Variants in ISY1 observed in about 807,000 individuals in gnomAD.
The protein encoded by ISY1 is ISY1 spliceosome associated protein.
ISY1 carries 12 observed loss-of-function variants against 54.4 expected under a neutral mutation model. The ratio of observed to expected loss-of-function variants is 0.22; its 90% CI spans 0.14 to 0.36. ISY1 has a LOEUF of 0.36. ISY1 is among the 10% of genes least tolerant of loss of function. ISY1 has a pLI of 1.00. For missense variants in ISY1, 282 were observed against 342.2 expected (o/e 0.82, Z 1.39); for synonymous variants, 96 against 117.9 (o/e 0.81, Z 1.20).
rs924871332 is a variant in ISY1, at chr3:129,161,026, C to T, written c.-51G>A. The T allele has an allele frequency of 1.0e-5, 16 of 1,541,920 alleles. No individual in the cohort carries two copies. The African/African-American group carries it at 2.2e-4, about 21-fold the overall frequency. On this transcript the variant is annotated 5_prime_UTR_variant, in exon 1 of 11. Transcript: ENST00000393295. ...AGCCCCGCGGCCCCTGTCCAAGAAACTCCACAGGCCCAGAAGACGCCGACG... is the reference window on the plus strand; with the variant it reads ...AGCCCCGCGGCCCCTGTCCAAGAAATTCCACAGGCCCAGAAGACGCCGACG...
At chr3:129,160,169 T>C (rs954390240) in intron 1 of ISY1, among the ~76,000 whole-genome samples, 2 of 152,100 alleles carry the variant, frequency 1.3e-5, no homozygotes, top group African/African-American at 4.8e-5. Flanking sequence ...GCTACTTCTA[T>C]TCCACTGGTT....
intron 2 of ISY1, 24 bp from the exon 3 acceptor site, chr3:129,158,583 A>G (rs375654041): frequency 5.1e-5 from 83 of 1,613,704 alleles, no homozygotes; most frequent in Admixed American, 3.3e-4. Flanking sequence ...AAAAGATAAA[A>G]GACTCCATTA....
chr3:129,143,333 C>A (rs1936677405), intron 6 of ISY1, among the ~76,000 whole-genome samples: 2 of 151,722 alleles, frequency 1.3e-5, no homozygotes, highest in African/African-American at 4.8e-5. Flanking sequence ...ATGGTCAAAC[C>A]CCAACTCTAC....
intron 6 of ISY1, among the ~76,000 whole-genome samples, chr3:129,140,717 C>T (rs370506706): frequency 1.3e-5 from 2 of 151,876 alleles, no homozygotes; most frequent in South Asian, 2.1e-4. Flanking sequence ...ATTACAGGTG[C>T]GTGCCACCAC....
intron 6 of ISY1, chr3:129,144,065 T>C: frequency 3.2e-6 from 1 of 308,360 alleles, no homozygotes; most frequent in South Asian, 2.8e-5. Flanking sequence ...AATTTTTTCA[T>C]ACCTGAGACC....
intron 6 of ISY1, 107 bp from the exon 7 acceptor site, chr3:129,140,592 T>C (rs1411279259): frequency 5.6e-6 from 7 of 1,244,388 alleles, no homozygotes; most frequent in African/African-American, 1.5e-5. Flanking sequence ...ATTTATTTAT[T>C]TGAGGTGGAG....
chr3:129,160,870 A>G, intron 1 of ISY1, 103 bp downstream of exon 1: 1 of 1,394,534 alleles, frequency 7.2e-7, no homozygotes, highest in Non-Finnish European at 9.9e-7. Context: ...AGCCCTCAGC[A>G]CTGCACGTCT....
In ISY1 at chr3:129,129,867, A is replaced by C. The variant is rs769996540; in HGVS notation, c.*214T>G. The stretch of plus-strand genomic sequence containing the variant: ...CTGTTGTATACACTCCACAATAAAA[A>C]TAAATGGATCCACACAGTAGCAAAA... On this transcript the variant is annotated 3_prime_UTR_variant, in exon 11 of 11. Coordinates refer to ENST00000393295, the MANE Select transcript of ISY1 (RefSeq NM_020701.4). 15 of 413,184 alleles carry C rather than the reference A, an allele frequency of 3.6e-5. No homozygotes were observed. The highest frequency in any genetic ancestry group is 8.2e-5 in the Admixed American group (2 of 24,312). The allele number at this position is 413,184 out of a possible 1,614,324, so 25.6% of individuals were successfully genotyped here. A position where few individuals can be genotyped will look rare whatever the true frequency, so the allele number is the denominator to read the frequency against.
chr3:129,154,942 C>G (rs1041332411), intron 5 of ISY1, among the ~76,000 whole-genome samples: 19 of 152,162 alleles, frequency 1.2e-4, no homozygotes, highest in Admixed American at 1.2e-3. Context: ...CCCGCCTCGG[C>G]CTCCCAAAGT....
chr3:129,129,975 T>C lies in ISY1; in HGVS notation c.*106A>G, dbSNP rs1295245853. The C allele has an allele frequency of 1.8e-5, 15 of 825,162 alleles. No homozygotes were observed. The highest frequency in any genetic ancestry group is 2.6e-5 in the East Asian group (1 of 37,826). 51.1% of individuals were successfully genotyped at this position (825,162 alleles called of 1,614,324 possible). A position where few individuals can be genotyped will look rare whatever the true frequency, so the allele number is the denominator to read the frequency against. On this transcript the variant is annotated 3_prime_UTR_variant, in exon 11 of 11. Transcript: ENST00000393295. ...TGAGACAAGGAGAGGGAAGGAAGGC[T>C]GAGAATGGGGCAGGAGCCCTTGCAG...
intron 7 of ISY1, among the ~76,000 whole-genome samples, chr3:129,138,844 G>T (rs546486261): frequency 1.2e-3 from 174 of 149,856 alleles, no homozygotes; most frequent in Non-Finnish European, 1.9e-3. Context: ...AAGAAAGAAA[G>T]AAACTGGAGG....
At chr3:129,143,351 TA>T (rs983213582) in intron 6 of ISY1, among the ~76,000 whole-genome samples, 22 of 149,806 alleles carry the variant, frequency 1.5e-4, no homozygotes, top group African/African-American at 5.2e-4. Context: ...TACTAAAATA[TA>T]AAAATTAGCC....
chr3:129,150,800 T>A (rs935073855), intron 5 of ISY1, among the ~76,000 whole-genome samples: 1 of 152,086 alleles, frequency 6.6e-6, no homozygotes, highest in African/African-American at 2.4e-5. Context: ...AATGTTGTAT[T>A]TCCAGCTGTT....
chr3:129,151,059 T>C (rs1242394307), intron 5 of ISY1, among the ~76,000 whole-genome samples: 1 of 150,726 alleles, frequency 6.6e-6, no homozygotes, highest in African/African-American at 2.4e-5. Flanking sequence ...GAGGCAGAGG[T>C]TGCAGTGAGC....
intron 7 of ISY1, among the ~76,000 whole-genome samples, chr3:129,135,904 G>A (rs1381585633): frequency 1.3e-5 from 2 of 152,076 alleles, no homozygotes; most frequent in Middle Eastern, 3.2e-3. Context: ...TATGGGATGG[G>A]ATATCCTGCA....
intron 7 of ISY1, 111 bp from the exon 8 acceptor site, chr3:129,135,065 C>A (rs1329893325): frequency 2.2e-6 from 3 of 1,380,726 alleles, no homozygotes; most frequent in Non-Finnish European, 2.9e-6. Flanking sequence ...CATGAAAATA[C>A]CAGGTGGGCG....
intron 5 of ISY1, among the ~76,000 whole-genome samples, chr3:129,152,310 G>C (rs1339975347): frequency 1.3e-5 from 2 of 152,150 alleles, no homozygotes; most frequent in Non-Finnish European, 2.9e-5. Flanking sequence ...GAATGACACA[G>C]TGAATTAACT....
At position 129,134,915 on chromosome 3, in the gene ISY1, T is replaced by C; in HGVS notation, c.458A>G (p.Lys153Arg). The C allele has an allele frequency of 6.2e-7, 1 of 1,611,166 alleles. No individual in the cohort carries two copies. The change falls in exon 8 of 11, where the codon AAG (lysine) becomes AGG (arginine). Residue 153 changes from lysine to arginine, a missense_variant. Physicochemically the swap from Lys to Arg is conservative, Grantham distance 26 (BLOSUM62 2). This residue lies in a region of ISY1 where 279 missense variants were observed against 323.6 expected (regional missense o/e 0.86). Transcript: ENST00000393295. ...ACCATAGTACTCAAAATCGATTGCC[T>C]TCATGAGCTCAGCACGTGTCTTTCT... ...PPRKTRAELM[K>R]AIDFEYYGYL...
At position 129,143,505 on chromosome 3, in the gene ISY1, CA is replaced by C. The variant is rs1360448569; in HGVS notation, c.300+2255del. On this transcript the variant is annotated intron_variant, in intron 6 of 10. Coordinates refer to ENST00000393295, the MANE Select transcript of ISY1 (RefSeq NM_020701.4). ...TGGGTGATGAAGCGAGACTCTGTCT[CA>C]AAAAAAAAAAAAAAACTAAACTAGA... Among the ~76,000 whole-genome samples, 279 of 62,506 alleles carry C rather than the reference CA, an allele frequency of 4.5e-3. 1 individual carries two copies. Among genetic ancestry groups the C allele is most frequent in the South Asian group, 0.027 (55 of 2,062 alleles). The allele number at this position is 62,506 out of a possible 152,430, so 41.0% of individuals were successfully genotyped here.
Sources: gnomAD v4.1 joint callset for allele counts (sites outside exome capture counted in the v4.1 genomes callset) on GRCh38, gnomAD v4.1.1 for gene constraint, gnomAD v4.1.1 regional missense constraint, MANE v1.5 for transcripts, NCBI Gene and HGNC (gene_info 2026-07-23, HGNC 2026-07-21) for gene names.